Variants in GPR137C observed in about 807,000 individuals in gnomAD.
The protein encoded by GPR137C is G protein-coupled receptor 137C.
A neutral mutation model predicts 43.4 loss-of-function variants in GPR137C; 27 were observed. The ratio of observed to expected loss-of-function variants is 0.62; its 90% CI spans 0.46 to 0.86. The LOEUF (loss-of-function observed/expected upper bound fraction) is 0.86. Among genes scored for constraint, GPR137C ranks in the 40% least tolerant of loss-of-function variants. GPR137C has a pLI of 0.00. For synonymous variants in GPR137C, 285 were observed against 226.9 expected (o/e 1.26, Z -2.30); for missense variants, 522 against 534.6 (o/e 0.98, Z 0.23).
rs114201493 is a variant in GPR137C at position 52,602,366 on chromosome 14, A to G, written c.717+2025A>G. Among the ~76,000 whole-genome samples, 534 of 150,768 alleles carry G rather than the reference A, an allele frequency of 3.5e-3. 4 individuals are homozygous for G. The highest frequency in any genetic ancestry group is 0.012 in the African/African-American group (509 of 41,088). On this transcript the variant is annotated intron_variant, in intron 3 of 6. Coordinates refer to ENST00000321662, the MANE Select transcript of GPR137C (RefSeq NM_001099652.2). ...CTCTCAATACCTTTGTTACGCTTTCACTATCAAACTGACCCTGTTTCTTGT... is the reference window on the plus strand; with the variant it reads ...CTCTCAATACCTTTGTTACGCTTTCGCTATCAAACTGACCCTGTTTCTTGT...
intron 1 of GPR137C, among the ~76,000 whole-genome samples, chr14:52,559,454 TGATC>T (rs1460596877): frequency 1.3e-5 from 2 of 152,186 alleles, no homozygotes; most frequent in Non-Finnish European, 2.9e-5. Context: ...GAAAATCATA[TGATC>T]ATCTCAATAG....
chr14:52,590,730 A>G (rs2038771244), intron 1 of GPR137C, among the ~76,000 whole-genome samples: 1 of 152,222 alleles, frequency 6.6e-6, no homozygotes, highest in Admixed American at 6.5e-5. Flanking sequence ...AGCATAGGCT[A>G]TATACCATAT....
intron 1 of GPR137C, among the ~76,000 whole-genome samples, chr14:52,590,199 T>C (rs1240969485): frequency 2.0e-5 from 3 of 151,966 alleles, no homozygotes; most frequent in Non-Finnish European, 4.4e-5. Context: ...TGTCTTAGCT[T>C]TTAAGAAAAA....
At chr14:52,634,074 T>C (rs1334338437) in intron 6 of GPR137C, 128 bp downstream of exon 6, 6 of 645,388 alleles carry the variant, frequency 9.3e-6, no homozygotes, top group Admixed American at 2.6e-5. Context: ...AGATCGGCAA[T>C]ACTGGAGTTT....
intron 1 of GPR137C, among the ~76,000 whole-genome samples, chr14:52,591,019 C>A (rs1231393920): frequency 1.3e-5 from 1 of 75,162 alleles, no homozygotes; most frequent in East Asian, 4.1e-4. Flanking sequence ...GTGTGATGTT[C>A]CCCACCCTGT....
chr14:52,595,204 C>CT (rs2038837500), intron 1 of GPR137C, among the ~76,000 whole-genome samples: 1 of 152,182 alleles, frequency 6.6e-6, no homozygotes, highest in South Asian at 2.1e-4. Flanking sequence ...GTCTGATGGG[C>CT]TTCCCTTCGT....
At chr14:52,601,235 T>C (rs1381241747) in intron 3 of GPR137C, among the ~76,000 whole-genome samples, 2 of 152,168 alleles carry the variant, frequency 1.3e-5, no homozygotes, top group Admixed American at 1.3e-4. Context: ...ACAGGAGAGC[T>C]TGTCTTCTTG....
intron 1 of GPR137C, among the ~76,000 whole-genome samples, chr14:52,568,927 A>G (rs900767835): frequency 2.6e-5 from 4 of 152,346 alleles, no homozygotes; most frequent in East Asian, 1.9e-4. Flanking sequence ...ATCTCCCAGC[A>G]CAGCGCTTGA....
intron 1 of GPR137C, among the ~76,000 whole-genome samples, chr14:52,580,948 C>T (rs1417408316): frequency 6.7e-6 from 1 of 150,234 alleles, no homozygotes; most frequent in Non-Finnish European, 1.5e-5. Context: ...CCTGTAATCC[C>T]AGCACTTTGG....
At chr14:52,564,394 C>T (rs2038334918) in intron 1 of GPR137C, among the ~76,000 whole-genome samples, 1 of 151,324 alleles carries the variant, frequency 6.6e-6, no homozygotes, top group Non-Finnish European at 1.5e-5. Context: ...TAATTTCAAA[C>T]TATGCTCCTC....
chr14:52,609,035 G>A (rs528801397), intron 3 of GPR137C, among the ~76,000 whole-genome samples: 109 of 152,150 alleles, frequency 7.2e-4, no homozygotes, highest in African/African-American at 2.6e-3. Context: ...GTCTTTCTCA[G>A]TTCCCTACCT....
chr14:52,600,317 A>T lies in GPR137C; in HGVS notation c.693A>T (p.Ser231=), dbSNP rs771884771. The change falls in exon 3 of 7, where the codon TCA becomes TCT. Residue 231 remains serine, a synonymous_variant. Coordinates refer to ENST00000321662, the MANE Select transcript of GPR137C (RefSeq NM_001099652.2). ...TATGCAAAATTACAAAAATGTCATC[A>T]GCTAATGTCTACCTCGAATCAAAGG... ...CYICKITKMS[S]ANVYLESKGM... is the part of the protein sequence containing the mutation. 3.1e-6 allele frequency: 5 copies of T among 1,599,876 alleles called. No individual in the cohort carries two copies. The South Asian group carries it at 5.5e-5, about 18-fold the overall frequency.
intron 3 of GPR137C, among the ~76,000 whole-genome samples, chr14:52,628,863 T>A (rs1207132197): frequency 1.3e-5 from 2 of 152,108 alleles, no homozygotes; most frequent in East Asian, 3.9e-4. Context: ...GGCCACAGAC[T>A]TAAAGAAAAT....
intron 6 of GPR137C, among the ~76,000 whole-genome samples, chr14:52,634,414 G>T (rs933195650): frequency 1.3e-5 from 2 of 151,946 alleles, no homozygotes; most frequent in South Asian, 4.2e-4. Flanking sequence ...ACTGTGATTC[G>T]GGCAAAGAGG....
chr14:52,554,370 T>G (rs1475116629), intron 1 of GPR137C, among the ~76,000 whole-genome samples: 1 of 152,240 alleles, frequency 6.6e-6, no homozygotes, highest in African/African-American at 2.4e-5. Flanking sequence ...AATAACTTGC[T>G]TAATATCTGG....
chr14:52,595,990 A>T (rs1449164379), intron 1 of GPR137C, among the ~76,000 whole-genome samples: 3 of 152,222 alleles, frequency 2.0e-5, no homozygotes, highest in Non-Finnish European at 4.4e-5. Flanking sequence ...GGTGACCTAC[A>T]GATGGGGTTT....
chr14:52,559,376 A>G (rs2038244522), intron 1 of GPR137C, among the ~76,000 whole-genome samples: 2 of 151,436 alleles, frequency 1.3e-5, no homozygotes, highest in Admixed American at 1.3e-4. Context: ...GCAAGACTCC[A>G]TCTCAAAAAC....
chr14:52,564,705 G>A (rs1378634472), intron 1 of GPR137C, among the ~76,000 whole-genome samples: 1 of 152,046 alleles, frequency 6.6e-6, no homozygotes, highest in Non-Finnish European at 1.5e-5. Context: ...TTACTAGATT[G>A]GTAAGCACTA....
chr14:52,589,429 T>TG (rs887447166), intron 1 of GPR137C, among the ~76,000 whole-genome samples: 1 of 152,128 alleles, frequency 6.6e-6, no homozygotes, highest in African/African-American at 2.4e-5. Flanking sequence ...AAATCATGTA[T>TG]GGGGGGAATT....
Sources: gnomAD v4.1 joint callset for allele counts (sites outside exome capture counted in the v4.1 genomes callset) on GRCh38, gnomAD v4.1.1 for gene constraint, MANE v1.5 for transcripts, NCBI Gene and HGNC (gene_info 2026-07-23, HGNC 2026-07-21) for gene names.